The following CTNNA2 variants were observed in gnomAD, a reference collection of about 807,000 sequenced individuals.
CTNNA2 encodes catenin alpha-2.
A neutral mutation model predicts 101.0 loss-of-function variants in CTNNA2; 42 were observed. The ratio of observed to expected loss-of-function variants is 0.42; its 90% CI spans 0.32 to 0.54. The LOEUF is 0.54. Among genes scored for constraint, CTNNA2 ranks in the 20% least tolerant of loss-of-function variants. The pLI, the probability that CTNNA2 is intolerant of heterozygous loss-of-function variation, is 0.14. For missense variants in CTNNA2, 871 were observed against 1,223.1 expected (o/e 0.71, Z 4.29); for synonymous variants, 450 against 456.4 (o/e 0.99, Z 0.18).
intron 7 of CTNNA2, among the ~76,000 whole-genome samples, chr2:79,941,728 C>T (rs894427334): frequency 6.6e-6 from 1 of 152,150 alleles, no homozygotes; most frequent in Non-Finnish European, 1.5e-5. Context: ...AAGTGATTCT[C>T]CTGTGTCAGC....
intron 4 of CTNNA2, among the ~76,000 whole-genome samples, chr2:79,470,451 C>T (rs1184107593): frequency 2.6e-5 from 4 of 152,282 alleles, no homozygotes; most frequent in African/African-American, 7.2e-5. Flanking sequence ...ATTACAAAAG[C>T]AAGCAATTCA....
At chr2:79,303,615 A>G (rs1676165546) in intron 2 of CTNNA2, among the ~76,000 whole-genome samples, 1 of 152,042 alleles carries the variant, frequency 6.6e-6, no homozygotes, top group Admixed American at 6.6e-5. Flanking sequence ...ACTTCTCTTC[A>G]GCTTCTTTCT....
At chr2:80,116,615 T>C (rs1701537890) in intron 7 of CTNNA2, among the ~76,000 whole-genome samples, 1 of 152,102 alleles carries the variant, frequency 6.6e-6, no homozygotes, top group Non-Finnish European at 1.5e-5. Context: ...TGGGATAAGA[T>C]AGGGCATTAG....
chr2:80,537,991 CT>C (rs1419453192), intron 9 of CTNNA2, among the ~76,000 whole-genome samples: 3 of 152,096 alleles, frequency 2.0e-5, no homozygotes, highest in African/African-American at 7.2e-5. Flanking sequence ...TGATGATGAG[CT>C]TTTTTTCATA....
intron 8 of CTNNA2, among the ~76,000 whole-genome samples, chr2:80,398,154 C>G (rs1405458633): frequency 5.9e-5 from 9 of 152,008 alleles, no homozygotes; most frequent in Admixed American, 5.9e-4. Context: ...AGGTATCTGG[C>G]CTCTCAAAAC....
At chr2:80,461,868 G>GC (rs1180723142) in intron 9 of CTNNA2, among the ~76,000 whole-genome samples, 1 of 152,048 alleles carries the variant, frequency 6.6e-6, no homozygotes, top group African/African-American at 2.4e-5. Context: ...AAAGATATAT[G>GC]CCCCAGGCTC....
chr2:80,387,221 G>A (rs550021624), intron 7 of CTNNA2, among the ~76,000 whole-genome samples: 193 of 152,154 alleles, frequency 1.3e-3, no homozygotes, highest in Non-Finnish European at 2.3e-3. Flanking sequence ...CCCGGGAGGC[G>A]GAGCTTGCAG....
chr2:79,250,524 G>T (rs1451527971), intron 2 of CTNNA2, among the ~76,000 whole-genome samples: 1 of 152,120 alleles, frequency 6.6e-6, no homozygotes, highest in Non-Finnish European at 1.5e-5. Context: ...GAGGTAGGAG[G>T]CTTCAGTTCT....
chr2:80,226,801 C>T (rs1189612129), intron 7 of CTNNA2, among the ~76,000 whole-genome samples: 2 of 152,100 alleles, frequency 1.3e-5, no homozygotes, highest in East Asian at 1.9e-4. Context: ...GAAACATCTC[C>T]CTCTTTCTCA....
chr2:79,605,281 G>T (rs2104128082), intron 1 of CTNNA2, among the ~76,000 whole-genome samples: 1 of 152,166 alleles, frequency 6.6e-6, no homozygotes, highest in African/African-American at 2.4e-5. Context: ...TCAAGACACA[G>T]CAATAAAAAC....
chr2:80,475,570 C>G (rs1283552424), intron 9 of CTNNA2, among the ~76,000 whole-genome samples: 2 of 152,078 alleles, frequency 1.3e-5, no homozygotes, highest in African/African-American at 2.4e-5. Context: ...TATTCTGTCA[C>G]CAAACACCTA....
chr2:79,457,656 C>T (rs995541679), intron 4 of CTNNA2, among the ~76,000 whole-genome samples: 3 of 145,322 alleles, frequency 2.1e-5, no homozygotes, highest in Non-Finnish European at 2.9e-5. Flanking sequence ...TTTCTACTTA[C>T]CTTAGTTACG....
At chr2:79,878,728 T>G (rs1309553305) in intron 6 of CTNNA2, among the ~76,000 whole-genome samples, 1 of 152,212 alleles carries the variant, frequency 6.6e-6, no homozygotes. Flanking sequence ...ATATTAGACT[T>G]TTGTCAGATG....
At chr2:79,190,238 G>A (rs1673835556) in intron 1 of CTNNA2, among the ~76,000 whole-genome samples, 1 of 151,766 alleles carries the variant, frequency 6.6e-6, no homozygotes. Context: ...ACTATCTTCT[G>A]CTTGCTCTAT....
chr2:80,036,022 C>T (rs748633713), intron 7 of CTNNA2, among the ~76,000 whole-genome samples: 3 of 152,194 alleles, frequency 2.0e-5, no homozygotes, highest in Non-Finnish European at 4.4e-5. Flanking sequence ...TCCCACATGA[C>T]GGTCTCATCA....
chr2:80,090,449 C>T (rs957915328), intron 7 of CTNNA2, among the ~76,000 whole-genome samples: 1 of 152,056 alleles, frequency 6.6e-6, no homozygotes, highest in African/African-American at 2.4e-5. Flanking sequence ...GTCTGGGAAA[C>T]ACTCCCTTTG....
rs527685443 is a variant in CTNNA2, at chr2:80,611,464, C to T, written c.2430+3146C>T. Among the ~76,000 whole-genome samples the T allele has an allele frequency of 2.4e-4, 36 of 151,614 alleles. No individual in the cohort carries two copies. The South Asian group carries it at 5.8e-3, about 25-fold the overall frequency. Reference sequence around the variant, plus strand: ...ATTATCTTATGGGAGAAAAGTTAAGCCATATATTTTTTAGTATGTAAATAC... The same window carrying T: ...ATTATCTTATGGGAGAAAAGTTAAGTCATATATTTTTTAGTATGTAAATAC... On this transcript the variant is annotated intron_variant, in intron 17 of 18. Transcript: ENST00000402739.
rs375294082 is a variant in CTNNA2 at position 80,302,630 on chromosome 2, C to T, written c.1057-90581C>T. 5.0e-6 allele frequency: 8 copies of T among 1,606,642 alleles called. No individual in the cohort carries two copies. The African/African-American group carries it at 9.3e-5, about 19-fold the overall frequency. On this transcript the variant is annotated intron_variant, in intron 7 of 18. Coordinates refer to ENST00000402739, the MANE Select transcript of CTNNA2 (RefSeq NM_001282597.3). This position sits in a 1 kb window ranked among gnomAD's most constrained non-coding sequence, Gnocchi z 6.4. The stretch of plus-strand genomic sequence containing the variant: ...TGTGCCGTCGTGCTGCCCCTCCCCG[C>T]CGTCCGCGAGCGTGGTGGCCGAGCT...
chr2:79,282,410 C>G (rs1368315779), intron 2 of CTNNA2, among the ~76,000 whole-genome samples: 5 of 152,020 alleles, frequency 3.3e-5, no homozygotes, highest in Non-Finnish European at 5.9e-5. Flanking sequence ...CTCCCCGCTC[C>G]CCCCACCCTA....
Sources: gnomAD v4.1 joint callset for allele counts (sites outside exome capture counted in the v4.1 genomes callset) on GRCh38, gnomAD v4.1.1 for gene constraint, Gnocchi (gnomAD v3.1) non-coding constraint, MANE v1.5 for transcripts, NCBI Gene and HGNC (gene_info 2026-07-23, HGNC 2026-07-21) for gene names.